The following NR3C2 variants were observed in gnomAD, a reference collection of about 807,000 sequenced individuals.
NR3C2 encodes the protein mineralocorticoid receptor.
Under a neutral mutation model 86.4 loss-of-function variants are expected in NR3C2, and 15 were observed. The ratio of observed to expected loss-of-function variants is 0.17; its 90% confidence interval spans 0.12 to 0.27. The LOEUF (loss-of-function observed/expected upper bound fraction) is 0.27. NR3C2 is among the 10% of genes least tolerant of loss of function. The probability of loss-of-function intolerance (pLI) is 1.00; values close to 1 mark genes in which losing one functional copy is unlikely to be tolerated. For synonymous variants in NR3C2, 458 were observed against 450.5 expected, an observed-to-expected ratio of 1.02 and a Z score of -0.21; for missense variants, 960 against 1,195.6, an observed-to-expected ratio of 0.80 and a Z score of 2.91.
intron 8 of NR3C2, among the ~76,000 whole-genome samples, chr4:148,083,920 T>A (rs1013150259): frequency 4.6e-5 from 7 of 151,704 alleles, no homozygotes; most frequent in Non-Finnish European, 1.5e-5. Flanking sequence ...AGAAAGAATA[T>A]CAGAGATTTA....
intron 2 of NR3C2, among the ~76,000 whole-genome samples, chr4:148,402,322 C>T (rs1056455546): frequency 6.6e-6 from 1 of 152,182 alleles, no homozygotes; most frequent in African/African-American, 2.4e-5. Context: ...AGGTGAAGCA[C>T]TTAATACCAA....
chr4:148,169,703 G>A (rs527664564), intron 4 of NR3C2, among the ~76,000 whole-genome samples: 12 of 152,228 alleles, frequency 7.9e-5, no homozygotes, highest in Middle Eastern at 3.4e-3. Flanking sequence ...AACACATAAA[G>A]CCAAAGACTA....
Position 148,081,514 on chromosome 4 carries a change from C to T in NR3C2, c.2800-15G>A. 1 of 1,613,920 alleles carries T rather than the reference C, an allele frequency of 6.2e-7. No individual in the cohort carries two copies. Among genetic ancestry groups the T allele is most frequent in the East Asian group, 2.2e-5 (1 of 44,864 alleles). On this transcript the variant is annotated splice_polypyrimidine_tract_variant and intron_variant, in intron 8 of 8. Coordinates refer to ENST00000358102, the MANE Select transcript of NR3C2 (RefSeq NM_000901.5). ...TCGCTCACCAGCTGTAACACAGACA[C>T]AGGGGGCATGACACGGGGGCCTCCT...
intron 3 of NR3C2, among the ~76,000 whole-genome samples, chr4:148,256,369 ATC>A (rs1198599304): frequency 6.6e-6 from 1 of 152,228 alleles, no homozygotes; most frequent in Non-Finnish European, 1.5e-5. Context: ...CATTTACATC[ATC>A]TCTCTACGTG....
chr4:148,418,186 A>G (rs768712367), intron 2 of NR3C2, among the ~76,000 whole-genome samples: 33 of 152,350 alleles, frequency 2.2e-4, no homozygotes, highest in Non-Finnish European at 3.8e-4. Flanking sequence ...CCATCACAGT[A>G]CATCACTGTG....
chr4:148,120,077 GAATAC>G (rs1732446077), intron 7 of NR3C2, 76 bp downstream of exon 7: 1 of 1,575,408 alleles, frequency 6.3e-7, no homozygotes, highest in Non-Finnish European at 8.7e-7. Context: ...CCAACTACCT[GAATAC>G]AATAAATAGC....
At chr4:148,131,322 A>T (rs958605141) in intron 6 of NR3C2, among the ~76,000 whole-genome samples, 1 of 152,184 alleles carries the variant, frequency 6.6e-6, no homozygotes, top group African/African-American at 2.4e-5. Context: ...TGGTACTGCA[A>T]ACTGCATCGT....
chr4:148,390,869 A>C (rs1347293378), intron 2 of NR3C2, among the ~76,000 whole-genome samples: 1 of 152,208 alleles, frequency 6.6e-6, no homozygotes, highest in African/African-American at 2.4e-5. Flanking sequence ...TGAAGTCGGG[A>C]ATTTATTTTA....
At chr4:148,135,832 G>A (rs1055594313) in intron 6 of NR3C2, among the ~76,000 whole-genome samples, 4 of 151,548 alleles carry the variant, frequency 2.6e-5, no homozygotes, top group East Asian at 2.0e-4. Context: ...CGAGGCGGGC[G>A]GATCACGAGG....
intron 4 of NR3C2, among the ~76,000 whole-genome samples, chr4:148,168,084 T>C (rs1734962498): frequency 6.6e-6 from 1 of 152,164 alleles, no homozygotes; most frequent in Non-Finnish European, 1.5e-5. Context: ...AAGAGGCCTT[T>C]AGCTTCATAG....
intron 6 of NR3C2, among the ~76,000 whole-genome samples, chr4:148,120,583 C>T (rs2149733769): frequency 6.6e-6 from 1 of 152,296 alleles, no homozygotes; most frequent in East Asian, 1.9e-4. Flanking sequence ...GTAATACTGA[C>T]TGATGAGGAT....
intron 4 of NR3C2, among the ~76,000 whole-genome samples, chr4:148,165,393 T>G (rs1001334247): frequency 6.6e-6 from 1 of 152,146 alleles, no homozygotes; most frequent in African/African-American, 2.4e-5. Context: ...AAACTTTTAA[T>G]GAGGAATAAA....
At chr4:148,167,051 T>A (rs185569080) in intron 4 of NR3C2, among the ~76,000 whole-genome samples, 7 of 152,344 alleles carry the variant, frequency 4.6e-5, no homozygotes, top group African/African-American at 1.7e-4. Flanking sequence ...TCTGCTTATG[T>A]TCTAATGGTA....
chr4:148,139,455 A>ATT (rs1733509085), intron 6 of NR3C2, among the ~76,000 whole-genome samples: 13 of 152,126 alleles, frequency 8.5e-5, no homozygotes, highest in Admixed American at 4.6e-4. Flanking sequence ...CTCTAAACTG[A>ATT]TTATCAGTTA....
At chr4:148,101,244 C>A (rs1386538485) in intron 8 of NR3C2, among the ~76,000 whole-genome samples, 4 of 152,186 alleles carry the variant, frequency 2.6e-5, no homozygotes, top group African/African-American at 9.7e-5. Flanking sequence ...AAACATAGTA[C>A]AATTGCATCT....
At chr4:148,097,937 C>T (rs1187134805) in intron 8 of NR3C2, among the ~76,000 whole-genome samples, 3 of 152,020 alleles carry the variant, frequency 2.0e-5, no homozygotes, top group Admixed American at 1.3e-4. Flanking sequence ...GGAACAGGAT[C>T]AGCATGAGAA....
chr4:148,360,982 C>G (rs1209123789), intron 2 of NR3C2, among the ~76,000 whole-genome samples: 1 of 152,070 alleles, frequency 6.6e-6, no homozygotes, highest in African/African-American at 2.4e-5. Flanking sequence ...ACCCAAGGCC[C>G]CTTGCAACAT....
At position 148,079,538 on chromosome 4, in the gene NR3C2, T is replaced by C. The variant is rs1200071080; in HGVS notation, c.*1806A>G. 5 of 152,648 alleles carry C rather than the reference T, an allele frequency of 3.3e-5. No homozygotes were observed. Among genetic ancestry groups the C allele is most frequent in the Admixed American group, 3.3e-4 (5 of 15,286 alleles). 9.5% of individuals were successfully genotyped at this position (152,648 alleles called of 1,614,324 possible). On this transcript the variant is annotated 3_prime_UTR_variant, in exon 9 of 9. Coordinates refer to ENST00000358102, the MANE Select transcript of NR3C2 (RefSeq NM_000901.5). The stretch of plus-strand genomic sequence containing the variant: ...TTTCACTGAGTAAACCTGATGATTA[T>C]CATCATTTTTAAAAGATTAATTTGG...
At chr4:148,226,004 T>G (rs747790295) in intron 3 of NR3C2, among the ~76,000 whole-genome samples, 1 of 152,142 alleles carries the variant, frequency 6.6e-6, no homozygotes, top group Non-Finnish European at 1.5e-5. Flanking sequence ...TTAAATAAAA[T>G]ATAAGCCTTT....
Sources: allele counts gnomAD v4.1 joint callset (sites outside exome capture counted in the v4.1 genomes callset), GRCh38; gene constraint gnomAD v4.1.1; transcripts MANE v1.5; gene names NCBI Gene and HGNC (gene_info 2026-07-23, HGNC 2026-07-21).